Variants in FHIT observed in about 807,000 individuals in gnomAD.
FHIT encodes the protein fragile histidine triad diadenosine triphosphatase.
Under a neutral mutation model 17.9 loss-of-function variants are expected in FHIT, and 19 were observed. The observed-to-expected ratio is 1.06, with a 90% CI of 0.74 to 1.56. The LOEUF (loss-of-function observed/expected upper bound fraction) is 1.56, where lower values mean the gene tolerates loss of function less well. Ranked by LOEUF, FHIT falls within the 40% of genes most tolerant of loss-of-function variation. The pLI, the probability that FHIT is intolerant of heterozygous loss-of-function variation, is 0.00. For synonymous variants in FHIT, 81 were observed against 69.7 expected (o/e 1.16, Z -0.81); for missense variants, 248 against 189.2 (o/e 1.31, Z -1.82).
At chr3:60,468,791 T>C (rs576334551) in intron 5 of FHIT, among the ~76,000 whole-genome samples, 1 of 152,310 alleles carries the variant, frequency 6.6e-6, no homozygotes, top group Middle Eastern at 3.4e-3. Flanking sequence ...TTTCAGATAG[T>C]TTTTTATTAC....
intron 3 of FHIT, among the ~76,000 whole-genome samples, chr3:60,853,922 G>C (rs530130408): frequency 1.6e-4 from 25 of 152,124 alleles, no homozygotes; most frequent in African/African-American, 6.0e-4. Context: ...GGTGTCCTTA[G>C]TAACACTGCA....
intron 1 of FHIT, among the ~76,000 whole-genome samples, chr3:61,232,621 T>A (rs79569013): frequency 6.6e-6 from 1 of 152,122 alleles, no homozygotes. Flanking sequence ...ATTCTCTCCC[T>A]TCTTAGAAGA....
intron 3 of FHIT, among the ~76,000 whole-genome samples, chr3:60,887,663 A>G (rs1553759606): frequency 6.6e-6 from 1 of 152,164 alleles, no homozygotes; most frequent in Non-Finnish European, 1.5e-5. Context: ...AAAAACAAAA[A>G]AAAAGAGTAA....
chr3:59,916,247 C>T (rs184366146), intron 8 of FHIT, among the ~76,000 whole-genome samples: 9 of 152,126 alleles, frequency 5.9e-5, no homozygotes, highest in South Asian at 2.1e-4. Flanking sequence ...TTCCTGCCCT[C>T]GAACATCGGA....
intron 5 of FHIT, among the ~76,000 whole-genome samples, chr3:60,531,596 G>C (rs1412695521): frequency 6.6e-6 from 1 of 152,146 alleles, no homozygotes; most frequent in Non-Finnish European, 1.5e-5. Flanking sequence ...ACTCTTTAGA[G>C]AAATGAAAGA....
In FHIT at chr3:60,180,568, T is replaced by A. The variant is rs146599758; in HGVS notation, c.104-166416A>T. On this transcript the variant is annotated intron_variant, in intron 5 of 9. Coordinates refer to ENST00000492590, the MANE Select transcript of FHIT (RefSeq NM_002012.4). ...TGAAGTACTGTTTCTAACAGCTTCA[T>A]TTTAAAAAATATTTTAGCTCTTTGT... Among the ~76,000 whole-genome samples, 1,015 of 152,324 alleles carry A rather than the reference T, an allele frequency of 6.7e-3. 8 individuals carry two copies. Among genetic ancestry groups the A allele is most frequent in the African/African-American group, 0.023 (960 of 41,582 alleles).
chr3:60,464,485 T>C (rs1022728150), intron 5 of FHIT, among the ~76,000 whole-genome samples: 2 of 152,076 alleles, frequency 1.3e-5, no homozygotes, highest in African/African-American at 4.8e-5. Flanking sequence ...CATCTGTGTA[T>C]GCATTAACCA....
chr3:60,581,513 A>G (rs2037748981), intron 4 of FHIT, among the ~76,000 whole-genome samples: 1 of 152,116 alleles, frequency 6.6e-6, no homozygotes, highest in Non-Finnish European at 1.5e-5. Flanking sequence ...CAGATAACAA[A>G]ATTAATTATC....
At chr3:61,013,850 T>C (rs1405781479) in intron 3 of FHIT, among the ~76,000 whole-genome samples, 2 of 152,226 alleles carry the variant, frequency 1.3e-5, no homozygotes, top group African/African-American at 4.8e-5. Flanking sequence ...TCTTTCACAG[T>C]TTTCTTTCTG....
At chr3:60,126,926 C>T (rs1705578491) in intron 5 of FHIT, among the ~76,000 whole-genome samples, 1 of 152,180 alleles carries the variant, frequency 6.6e-6, no homozygotes, top group Non-Finnish European at 1.5e-5. Context: ...GAGGTGCGCG[C>T]TTCCGTAACT....
intron 7 of FHIT, among the ~76,000 whole-genome samples, chr3:59,931,383 A>G (rs908195077): frequency 6.6e-6 from 1 of 152,184 alleles, no homozygotes; most frequent in Non-Finnish European, 1.5e-5. Flanking sequence ...GAAATTACTG[A>G]CAGCCACTTA....
chr3:60,623,216 A>G (rs1181796258), intron 4 of FHIT, among the ~76,000 whole-genome samples: 1 of 152,212 alleles, frequency 6.6e-6, no homozygotes, highest in Non-Finnish European at 1.5e-5. Flanking sequence ...ATTTGTCACC[A>G]AAGTGTAACC....
chr3:60,948,946 A>G (rs1267072189), intron 3 of FHIT, among the ~76,000 whole-genome samples: 1 of 152,170 alleles, frequency 6.6e-6, no homozygotes, highest in African/African-American at 2.4e-5. Flanking sequence ...TGTCTGGCAC[A>G]TAACAGAAAG....
intron 2 of FHIT, among the ~76,000 whole-genome samples, chr3:61,095,806 C>A (rs929431856): frequency 1.3e-5 from 2 of 152,224 alleles, no homozygotes; most frequent in Non-Finnish European, 2.9e-5. Flanking sequence ...AGGCAGAGAG[C>A]CTGGCCTGAA....
intron 1 of FHIT, among the ~76,000 whole-genome samples, chr3:61,242,801 C>T (rs1237500092): frequency 6.6e-6 from 1 of 152,140 alleles, no homozygotes; most frequent in African/African-American, 2.4e-5. Flanking sequence ...GAGTCAGTTC[C>T]TGCATGGAGG....
chr3:60,794,464 A>G (rs139510183), intron 4 of FHIT, among the ~76,000 whole-genome samples: 2 of 152,202 alleles, frequency 1.3e-5, no homozygotes, highest in East Asian at 3.9e-4. Flanking sequence ...TCCACATTTT[A>G]ACATTTCTGA....
intron 4 of FHIT, among the ~76,000 whole-genome samples, chr3:60,728,283 G>A (rs2107980364): frequency 6.6e-6 from 1 of 152,220 alleles, no homozygotes; most frequent in South Asian, 2.1e-4. Context: ...CAATAACCCT[G>A]TCAAAAGGAA....
chr3:60,131,112 C>T (rs1258062919), intron 5 of FHIT, among the ~76,000 whole-genome samples: 2 of 121,212 alleles, frequency 1.7e-5, no homozygotes, highest in Admixed American at 1.6e-4. Flanking sequence ...CACAAACCCA[C>T]AGTCATCCCT....
intron 5 of FHIT, among the ~76,000 whole-genome samples, chr3:60,440,599 A>G (rs941247773): frequency 2.0e-5 from 3 of 152,086 alleles, no homozygotes; most frequent in African/African-American, 7.2e-5. Context: ...AAACTTGCCC[A>G]AAGTCACAGG....
Sources: allele counts gnomAD v4.1 joint callset (sites outside exome capture counted in the v4.1 genomes callset), GRCh38; gene constraint gnomAD v4.1.1; transcripts MANE v1.5; gene names NCBI Gene and HGNC (gene_info 2026-07-23, HGNC 2026-07-21).